PTPRS: variants seen among roughly 807,000 people sequenced by gnomAD.
The protein encoded by PTPRS is protein tyrosine phosphatase receptor type S.
PTPRS carries 63 observed loss-of-function variants against 215.3 expected under a neutral mutation model. That is an observed-to-expected ratio of 0.29 (90% CI 0.24 to 0.36). The LOEUF is 0.36. PTPRS is among the 10% of genes least tolerant of loss of function. The pLI, the probability that PTPRS is intolerant of heterozygous loss-of-function variation, is 1.00. For missense variants in PTPRS, 2,258 were observed against 2,825.8 expected (o/e 0.80, Z 4.56); for synonymous variants, 1,404 against 1,191.4 (o/e 1.18, Z -3.68).
At position 5,212,388 on chromosome 19, in the gene PTPRS, C is replaced by T; in HGVS notation, c.4718G>A (p.Arg1573Lys). The T allele has an allele frequency of 1.2e-6, 2 of 1,608,342 alleles. No individual in the cohort carries two copies. Among genetic ancestry groups the T allele is most frequent in the Non-Finnish European group, 1.7e-6 (2 of 1,177,336 alleles). ...YPTPFLAFLR[R>K]VKTCNPPDAG... ...ATCTGGCGGGTTGCAGGTCTTGACTCTCCGCAGGAAAGCCAGGAAGGGCGT... is the reference window on the plus strand; with the variant it reads ...ATCTGGCGGGTTGCAGGTCTTGACTTTCCGCAGGAAAGCCAGGAAGGGCGT... Residue 1573 changes from arginine to lysine, a missense_variant, in exon 31 of 38, where the codon AGA becomes AAA. This residue lies in a region of PTPRS where 927 missense variants were observed against 1,125.9 expected (regional missense o/e 0.82). Transcript: ENST00000262963.
chr19:5,260,100 C>T (rs1321301237), intron 7 of PTPRS, among the ~76,000 whole-genome samples: 2 of 151,808 alleles, frequency 1.3e-5, no homozygotes, highest in East Asian at 1.9e-4. Flanking sequence ...GTGCATGTCT[C>T]TATGTGTCCT....
chr19:5,239,671 G>GGAGAGAGAGACAGAAATA (rs1178015271), intron 12 of PTPRS, among the ~76,000 whole-genome samples: 3 of 150,758 alleles, frequency 2.0e-5, no homozygotes, highest in Non-Finnish European at 4.4e-5. Context: ...GAGAAAGAGA[G>GGAGAGAGAGACAGAAATA]GAGAGAGAGA....
At chr19:5,265,555 G>A (rs939949465) in intron 4 of PTPRS, among the ~76,000 whole-genome samples, 29 of 151,964 alleles carry the variant, frequency 1.9e-4, no homozygotes, top group East Asian at 7.7e-4. Flanking sequence ...TTGTCCAGGC[G>A]GGTCTCAAAC....
chr19:5,253,198 A>G (rs1337087423), intron 9 of PTPRS, among the ~76,000 whole-genome samples: 1 of 152,142 alleles, frequency 6.6e-6, no homozygotes, highest in Non-Finnish European at 1.5e-5. Context: ...TGCCAGCTGT[A>G]TTTTTAAAAA....
At chr19:5,249,202 T>C (rs2044774536) in intron 9 of PTPRS, among the ~76,000 whole-genome samples, 1 of 152,138 alleles carries the variant, frequency 6.6e-6, no homozygotes, top group Non-Finnish European at 1.5e-5. Context: ...TCCCAGTTAC[T>C]CTGGAGGCTG....
Position 5,222,924 on chromosome 19 carries a change from G to A in PTPRS, c.2868C>T (p.Ala956=), listed in dbSNP as rs575280113. The A allele has an allele frequency of 5.8e-5, 90 of 1,560,556 alleles. No homozygotes were observed. Among genetic ancestry groups the A allele is most frequent in the South Asian group, 2.0e-4 (17 of 86,736 alleles). The change falls in exon 18 of 38, where the codon GCC becomes GCT. Residue 956 remains alanine, a synonymous_variant. Transcript: ENST00000262963. The part of the protein sequence containing the change: ...VLLRWLPPVP[A]ERNGAIVKYT... ...ATTTGACGATGGCCCCGTTGCGCTC[G>A]GCGGGCACGGGTGGCAGCCAGCGGA...
intron 1 of PTPRS, among the ~76,000 whole-genome samples, chr19:5,307,124 G>A (rs1360132009): frequency 1.3e-5 from 2 of 152,210 alleles, no homozygotes; most frequent in East Asian, 3.9e-4. Context: ...GGCCAACATG[G>A]CAAAACTCTG....
In PTPRS at chr19:5,244,365, G is replaced by A; in HGVS notation, c.1106C>T (p.Ser369Phe). The A allele has an allele frequency of 6.2e-7, 1 of 1,614,214 alleles. No individual in the cohort carries two copies. Among genetic ancestry groups the A allele is most frequent in the Non-Finnish European group, 8.5e-7 (1 of 1,180,048 alleles). Residue 369 changes from serine to phenylalanine, a missense_variant, in exon 11 of 38, where the codon TCC becomes TTC. Physicochemically the swap from Ser to Phe is radical, Grantham distance 155. Transcript: ENST00000262963. This position sits in a 1 kb window ranked among gnomAD's most constrained non-coding sequence, Gnocchi z 7.2. ...PVSYYVIEYK[S>F]KSQDGPYQIK... ...CTGATACGGCCCGTCTTGGCTCTTG[G>A]ATTTATATTCGATGACGTAATAGGA...
intron 1 of PTPRS, among the ~76,000 whole-genome samples, chr19:5,291,097 C>T (rs1353265445): frequency 2.0e-5 from 3 of 152,008 alleles, no homozygotes; most frequent in African/African-American, 7.2e-5. Context: ...GTCCGGGGAC[C>T]TGGCTTTAAT....
chr19:5,274,286 G>A lies in PTPRS; in HGVS notation c.150C>T (p.Ala50=), dbSNP rs972748356. ...KDQIGVSGGV[A]SFVCQATGDP... is the part of the protein sequence containing the mutation. ...CACCCGTGGCCTGACACACGAAAGAGGCCACACCCCCCGACACGCCGATCT... is the reference window on the plus strand; with the variant it reads ...CACCCGTGGCCTGACACACGAAAGAAGCCACACCCCCCGACACGCCGATCT... Residue 50 remains alanine (A), a synonymous_variant, in exon 3 of 38, where the codon GCC becomes GCT. Transcript: ENST00000262963. The A allele has an allele frequency of 1.2e-6, 2 of 1,613,936 alleles. No individual in the cohort carries two copies. The highest frequency in any genetic ancestry group is 2.2e-5 in the East Asian group (1 of 44,856).
rs577246794 is a variant in PTPRS at position 5,339,774 on chromosome 19, C to G, written c.-95+890G>C. Among the ~76,000 whole-genome samples the G allele has an allele frequency of 6.6e-6, 1 of 151,766 alleles. No homozygotes were observed. The highest frequency in any genetic ancestry group is 2.4e-5 in the African/African-American group (1 of 41,456). ...TCACCTCCCCTCCCCCCGCAGCCCC[C>G]GGGGGCTCCCGGGGCGTGCGGAACC... On this transcript the variant is annotated intron_variant, in intron 1 of 37. Transcript: ENST00000262963. This position sits in a 1 kb window ranked among gnomAD's most constrained non-coding sequence, Gnocchi z 4.2.
chr19:5,333,526 C>CACAA (rs1555812802), intron 1 of PTPRS, among the ~76,000 whole-genome samples: 2 of 151,530 alleles, frequency 1.3e-5, no homozygotes, highest in Admixed American at 6.6e-5. Flanking sequence ...CACACACACA[C>CACAA]AATGCGATTC....
chr19:5,243,989 G>C lies in PTPRS; in HGVS notation c.1482C>G (p.Asp494Glu), dbSNP rs754630715. 1 of 1,603,724 alleles carries C rather than the reference G, an allele frequency of 6.2e-7. No homozygotes were observed. ...CGAGCACCCGCACGGTGTAGGTCTC[G>C]TCCTCCAGCAGGCTGCCCACGGTGG... ...LLTTVGSLLE[D>E]ETYTVRVLAF... The change falls in exon 11 of 38, where the codon GAC becomes GAG. Residue 494 changes from aspartate to glutamate, a missense_variant. Transcript: ENST00000262963.
chr19:5,257,936 C>T lies in PTPRS; in HGVS notation c.706+81G>A. On this transcript the variant is annotated intron_variant, in intron 8 of 37. Transcript: ENST00000262963. The surrounding 1 kb of genome is among the most constrained non-coding windows in gnomAD (Gnocchi z 4.4). Reference sequence around the variant, plus strand: ...CTTGGGTGTGCAGGGGACGGGGGAGCCCGGAGGCGGTGAGCCCGAGGAGGG... The same window carrying T: ...CTTGGGTGTGCAGGGGACGGGGGAGTCCGGAGGCGGTGAGCCCGAGGAGGG... 1.6e-6 allele frequency: 2 copies of T among 1,247,972 alleles called. No homozygotes were observed. Among genetic ancestry groups the T allele is most frequent in the East Asian group, 2.3e-5 (1 of 42,818 alleles). The allele number at this position is 1,247,972 out of a possible 1,614,324, so 77.3% of individuals were successfully genotyped here.
intron 1 of PTPRS, among the ~76,000 whole-genome samples, chr19:5,320,027 G>A (rs1431018952): frequency 6.6e-6 from 1 of 152,190 alleles, no homozygotes; most frequent in South Asian, 2.1e-4. Flanking sequence ...GTGGACAGGA[G>A]GCATCTGAGA....
intron 1 of PTPRS, among the ~76,000 whole-genome samples, chr19:5,291,130 C>T (rs189243158): frequency 5.3e-5 from 8 of 151,944 alleles, no homozygotes; most frequent in Non-Finnish European, 8.8e-5. Flanking sequence ...TGTATTGGGA[C>T]GACGTGAAGG....
intron 9 of PTPRS, 97 bp downstream of exon 9, chr19:5,256,011 T>C (rs950674359): frequency 9.8e-7 from 1 of 1,017,720 alleles, no homozygotes; most frequent in East Asian, 2.7e-5. Context: ...TCAGCGTGTG[T>C]CCGTGTGGTG....
In PTPRS at chr19:5,211,462, G is replaced by T. The variant is rs981410187; in HGVS notation, c.5234+128C>A. 5 of 895,094 alleles carry T rather than the reference G, an allele frequency of 5.6e-6. No homozygotes were observed. In the African/African-American group the frequency reaches 8.4e-5, roughly 15 times the overall value. 55.4% of individuals were successfully genotyped at this position (895,094 alleles called of 1,614,324 possible). A position where few individuals can be genotyped will look rare whatever the true frequency, so the allele number is the denominator to read the frequency against. ...GCCATCAGTTAAATATACATCTAAA[G>T]ATGTGTATTTAAACAGCTCAGGGCT... On this transcript the variant is annotated intron_variant, in intron 33 of 37. Coordinates refer to ENST00000262963, the MANE Select transcript of PTPRS (RefSeq NM_002850.4).
intron 1 of PTPRS, among the ~76,000 whole-genome samples, chr19:5,288,723 G>A (rs2048566739): frequency 6.6e-6 from 1 of 152,196 alleles, no homozygotes; most frequent in African/African-American, 2.4e-5. Flanking sequence ...GGCATGGGTA[G>A]GAGTCACTTG....
Sources: gnomAD v4.1 joint callset for allele counts (sites outside exome capture counted in the v4.1 genomes callset) on GRCh38, gnomAD v4.1.1 for gene constraint, gnomAD v4.1.1 regional missense constraint, Gnocchi (gnomAD v3.1) non-coding constraint, MANE v1.5 for transcripts, NCBI Gene and HGNC (gene_info 2026-07-23, HGNC 2026-07-21) for gene names.